The following GRID2 variants were observed in gnomAD, a reference collection of about 807,000 sequenced individuals.
GRID2 encodes glutamate ionotropic receptor delta type subunit 2, also known as glutamate receptor ionotropic, delta-2.
Under a neutral mutation model 114.8 loss-of-function variants are expected in GRID2, and 33 were observed. That is an observed-to-expected ratio of 0.29 (90% CI 0.22 to 0.38). The LOEUF (loss-of-function observed/expected upper bound fraction) is 0.38. GRID2 is among the 10% of genes least tolerant of loss of function. GRID2 has a pLI of 1.00. For missense variants in GRID2, 1,184 were observed against 1,257.7 expected, an observed-to-expected ratio of 0.94 and a Z score of 0.89; for synonymous variants, 505 against 449.9, an observed-to-expected ratio of 1.12 and a Z score of -1.55.
chr4:93,094,502 G>T (rs1731039554), intron 3 of GRID2, among the ~76,000 whole-genome samples: 1 of 151,840 alleles, frequency 6.6e-6, no homozygotes, highest in South Asian at 2.1e-4. Flanking sequence ...ATGCAGCCTT[G>T]CTAATGTAAC....
chr4:92,732,769 T>TA (rs1439547580), intron 2 of GRID2, among the ~76,000 whole-genome samples: 2 of 152,250 alleles, frequency 1.3e-5, no homozygotes, highest in East Asian at 3.9e-4. Flanking sequence ...CAGGAGAACA[T>TA]ACAGCTTTTT....
intron 2 of GRID2, among the ~76,000 whole-genome samples, chr4:92,965,450 T>TGAAAA (rs1393372287): frequency 1.3e-4 from 11 of 85,778 alleles, no homozygotes; most frequent in East Asian, 1.1e-3. Context: ...ATTCAATTTG[T>TGAAAA]AAAAAAAAAA....
intron 8 of GRID2, among the ~76,000 whole-genome samples, chr4:93,271,642 C>A (rs1579499529): frequency 6.6e-6 from 1 of 152,210 alleles, no homozygotes; most frequent in South Asian, 2.1e-4. Context: ...AGAATGTGAT[C>A]ATAAGTCACT....
intron 1 of GRID2, 108 bp downstream of exon 1, chr4:92,304,852 C>A (rs1579147786): frequency 2.5e-6 from 2 of 809,454 alleles, no homozygotes; most frequent in East Asian, 2.5e-5. Context: ...TTGGAGGTGG[C>A]TTCAGTTCAT....
chr4:93,561,027 C>A (rs142484641), intron 13 of GRID2, among the ~76,000 whole-genome samples: 200 of 151,940 alleles, frequency 1.3e-3, no homozygotes, highest in African/African-American at 4.7e-3. Flanking sequence ...CTTAGGTTTT[C>A]TCTGAGCATT....
intron 1 of GRID2, among the ~76,000 whole-genome samples, chr4:92,358,610 T>C (rs546720735): frequency 2.4e-4 from 37 of 152,036 alleles, no homozygotes; most frequent in African/African-American, 7.9e-4. Context: ...AAAATTATAA[T>C]ATGGTTATTG....
At chr4:93,114,735 C>A (rs918703916) in intron 4 of GRID2, among the ~76,000 whole-genome samples, 5 of 152,046 alleles carry the variant, frequency 3.3e-5, no homozygotes, top group African/African-American at 1.2e-4. Flanking sequence ...AATAGGCTGA[C>A]CCTATTAGTG....
intron 13 of GRID2, among the ~76,000 whole-genome samples, chr4:93,584,797 A>G (rs1034928967): frequency 1.5e-4 from 23 of 152,112 alleles, no homozygotes; most frequent in Non-Finnish European, 3.1e-4. Context: ...GGTATCCTTT[A>G]CAGATTTTTT....
intron 8 of GRID2, among the ~76,000 whole-genome samples, chr4:93,265,111 T>C (rs1403151730): frequency 6.6e-6 from 1 of 152,058 alleles, no homozygotes; most frequent in African/African-American, 2.4e-5. Flanking sequence ...AAAATTAAAA[T>C]TGCATACGTA....
intron 13 of GRID2, among the ~76,000 whole-genome samples, chr4:93,607,329 T>C (rs1316072596): frequency 1.3e-5 from 2 of 152,170 alleles, no homozygotes; most frequent in Non-Finnish European, 2.9e-5. Context: ...GTGTCTTGCT[T>C]TTTAATATTC....
chr4:93,138,610 C>T (rs904834906), intron 4 of GRID2, among the ~76,000 whole-genome samples: 2 of 152,192 alleles, frequency 1.3e-5, no homozygotes, highest in African/African-American at 4.8e-5. Flanking sequence ...CACCTCCAGT[C>T]ATTCAATTTT....
intron 3 of GRID2, among the ~76,000 whole-genome samples, chr4:93,102,618 A>C (rs1731809744): frequency 6.6e-6 from 1 of 151,952 alleles, no homozygotes; most frequent in Non-Finnish European, 1.5e-5. Context: ...ACCATCCAGC[A>C]ATGCAACCTA....
At chr4:93,284,916 G>A (rs1313530753) in intron 8 of GRID2, among the ~76,000 whole-genome samples, 2 of 151,986 alleles carry the variant, frequency 1.3e-5, no homozygotes. Context: ...AATATTGGAT[G>A]AATGAGTGAA....
chr4:93,570,793 A>G (rs1735863114), intron 13 of GRID2, among the ~76,000 whole-genome samples: 1 of 152,180 alleles, frequency 6.6e-6, no homozygotes, highest in Admixed American at 6.6e-5. Flanking sequence ...CATAAAATTT[A>G]TAATTATAGA....
At chr4:92,439,906 C>T (rs997075678) in intron 1 of GRID2, among the ~76,000 whole-genome samples, 30 of 145,780 alleles carry the variant, frequency 2.1e-4, no homozygotes, top group African/African-American at 6.3e-4. Context: ...TAAACAAGAG[C>T]AGGGCATGTA....
In GRID2 at chr4:93,396,374, A is replaced by T. The variant is rs576220877; in HGVS notation, c.1347+666A>T. The stretch of plus-strand genomic sequence containing the variant: ...GGATGCATTCCAAGACCCCCAGTGG[A>T]TGCCTGAAACTGTGGATAGTTTTGT... On this transcript the variant is annotated intron_variant, in intron 9 of 15. Coordinates refer to ENST00000282020, the MANE Select transcript of GRID2 (RefSeq NM_001510.4). 3.9e-5 allele frequency among the ~76,000 whole-genome samples: 6 copies of T among 152,056 alleles called. No homozygotes were observed. The South Asian group carries it at 1.0e-3, about 26-fold the overall frequency.
chr4:92,798,546 A>G (rs2149370229), intron 2 of GRID2, among the ~76,000 whole-genome samples: 2 of 152,160 alleles, frequency 1.3e-5, no homozygotes. Context: ...AGACCCTTAG[A>G]GATGATTTAC....
intron 3 of GRID2, among the ~76,000 whole-genome samples, chr4:93,094,123 G>C (rs181887637): frequency 1.3e-5 from 2 of 152,098 alleles, no homozygotes; most frequent in African/African-American, 4.8e-5. Context: ...TTGTGTTTGT[G>C]TTAAAACCTT....
At chr4:92,897,033 C>T (rs1233176036) in intron 2 of GRID2, among the ~76,000 whole-genome samples, 2 of 152,010 alleles carry the variant, frequency 1.3e-5, no homozygotes, top group Non-Finnish European at 2.9e-5. Context: ...TGAACCACCG[C>T]GCCCAGCCCA....
Sources: gnomAD v4.1 joint callset for allele counts (sites outside exome capture counted in the v4.1 genomes callset) on GRCh38, gnomAD v4.1.1 for gene constraint, MANE v1.5 for transcripts, NCBI Gene and HGNC (gene_info 2026-07-23, HGNC 2026-07-21) for gene names.